The following PLPPR1 variants were observed in gnomAD, a reference collection of about 807,000 sequenced individuals.
PLPPR1 encodes phospholipid phosphatase related 1, also known as phospholipid phosphatase-related protein type 1.
PLPPR1 carries 10 observed loss-of-function variants against 33.1 expected under a neutral mutation model. The ratio of observed to expected loss-of-function variants is 0.30; its 90% CI spans 0.19 to 0.51. PLPPR1 has a LOEUF of 0.51. PLPPR1 is among the 20% of genes least tolerant of loss of function. PLPPR1 has a pLI of 0.97. For missense variants in PLPPR1, 304 were observed against 408.1 expected (o/e 0.74, Z 2.20); for synonymous variants, 151 against 151.0 (o/e 1.00, Z 0.00).
intron 2 of PLPPR1, among the ~76,000 whole-genome samples, chr9:101,246,087 TATATATATATATATATATATATAG>T (rs1437768958): frequency 3.8e-5 from 4 of 104,432 alleles, no homozygotes; most frequent in East Asian, 2.6e-4. Flanking sequence ...TATATATATA[TATATATATATATATATATATATAG>T]ATAGATAGAT....
intron 1 of PLPPR1, among the ~76,000 whole-genome samples, chr9:101,073,268 A>G (rs1360916447): frequency 6.6e-6 from 1 of 152,170 alleles, no homozygotes; most frequent in African/African-American, 2.4e-5. Flanking sequence ...TTTTGCAGCC[A>G]ATCTATTGCA....
chr9:101,119,034 C>G (rs1168019927), intron 1 of PLPPR1, among the ~76,000 whole-genome samples: 1 of 152,146 alleles, frequency 6.6e-6, no homozygotes, highest in African/African-American at 2.4e-5. Context: ...TAAGTTGCTT[C>G]TCTCCAATAC....
At chr9:101,307,353 C>G (rs1370318788) in intron 4 of PLPPR1, among the ~76,000 whole-genome samples, 1 of 152,210 alleles carries the variant, frequency 6.6e-6, no homozygotes, top group Non-Finnish European at 1.5e-5. Context: ...TTTCCTTTTT[C>G]AGATCGTAAA....
At chr9:101,144,161 T>G (rs969793562) in intron 1 of PLPPR1, among the ~76,000 whole-genome samples, 2 of 151,774 alleles carry the variant, frequency 1.3e-5, no homozygotes, top group African/African-American at 2.4e-5. Flanking sequence ...CAAACTATCA[T>G]AAGGACAGAA....
intron 2 of PLPPR1, among the ~76,000 whole-genome samples, chr9:101,203,262 T>C (rs118156416): frequency 0.01 from 1,594 of 152,276 alleles, 10 homozygotes; most frequent in Middle Eastern, 0.02. Flanking sequence ...AAGTATTAGA[T>C]TGGTGCAAAA....
At chr9:101,096,625 G>A (rs190314858) in intron 1 of PLPPR1, among the ~76,000 whole-genome samples, 3 of 152,086 alleles carry the variant, frequency 2.0e-5, no homozygotes, top group Admixed American at 6.6e-5. Context: ...TAACAACACA[G>A]TGAACATTTG....
chr9:101,052,644 C>T (rs1272386528), intron 1 of PLPPR1, among the ~76,000 whole-genome samples: 3 of 152,116 alleles, frequency 2.0e-5, no homozygotes, highest in Non-Finnish European at 2.9e-5. Flanking sequence ...AGAAGATTTC[C>T]CAGCAGTAAT....
chr9:101,043,618 T>A lies in PLPPR1; in HGVS notation c.-46+14516T>A, dbSNP rs542971123. 4.5e-4 allele frequency among the ~76,000 whole-genome samples: 68 copies of A among 152,242 alleles called. No homozygotes were observed. The Middle Eastern group carries it at 0.014, about 30-fold the overall frequency. On this transcript the variant is annotated intron_variant, in intron 1 of 7. Coordinates refer to ENST00000374874, the MANE Select transcript of PLPPR1 (RefSeq NM_207299.2). ...TGCTATAAACATGTTTGTGCAAGTA[T>A]CTTTTTTGTATAATGACTTATTTTC... is the stretch of plus-strand genomic sequence containing the variant.
intron 2 of PLPPR1, among the ~76,000 whole-genome samples, chr9:101,236,909 T>C (rs185448134): frequency 5.7e-4 from 86 of 151,722 alleles, no homozygotes; most frequent in African/African-American, 1.9e-3. Flanking sequence ...ACCTATAGAA[T>C]GGGAAGAAAA....
intron 1 of PLPPR1, among the ~76,000 whole-genome samples, chr9:101,121,861 T>C (rs1831181633): frequency 6.6e-6 from 1 of 152,210 alleles, no homozygotes; most frequent in African/African-American, 2.4e-5. Context: ...TACTCTTCTT[T>C]AGATATAGGA....
intron 2 of PLPPR1, among the ~76,000 whole-genome samples, chr9:101,206,915 A>T (rs1182781787): frequency 1.3e-5 from 2 of 152,042 alleles, no homozygotes; most frequent in African/African-American, 4.8e-5. Context: ...CTCCATTGCC[A>T]AGCCAGGACT....
chr9:101,302,772 T>G (rs1828777499), intron 4 of PLPPR1, among the ~76,000 whole-genome samples: 1 of 152,162 alleles, frequency 6.6e-6, no homozygotes, highest in South Asian at 2.1e-4. Flanking sequence ...GGCCAGAAGC[T>G]AATGGGAGGG....
chr9:101,243,214 C>A (rs1037253590), intron 2 of PLPPR1, among the ~76,000 whole-genome samples: 1 of 151,852 alleles, frequency 6.6e-6, no homozygotes, highest in African/African-American at 2.4e-5. Context: ...GGACCCAGGT[C>A]GTCAGAATCT....
At chr9:101,162,691 G>A (rs751938111) in intron 1 of PLPPR1, among the ~76,000 whole-genome samples, 2 of 152,028 alleles carry the variant, frequency 1.3e-5, no homozygotes, top group Non-Finnish European at 2.9e-5. Flanking sequence ...TTGTTTTCTG[G>A]GTCTTGTAAA....
rs1165672393 is a variant in PLPPR1, at chr9:101,170,218, A to G, written c.-45-15232A>G. Among the ~76,000 whole-genome samples the G allele has an allele frequency of 2.6e-5, 4 of 152,154 alleles. No individual in the cohort carries two copies. In the East Asian group the frequency reaches 5.8e-4, roughly 22 times the overall value. ...TCCAGAAAAATAAAGATATGAAACA[A>G]TTACACAATACATACTATATTAATC... On this transcript the variant is annotated intron_variant, in intron 1 of 7. Coordinates refer to ENST00000374874, the MANE Select transcript of PLPPR1 (RefSeq NM_207299.2).
chr9:101,068,454 A>G (rs7032962), intron 1 of PLPPR1, among the ~76,000 whole-genome samples: 2,314 of 152,112 alleles, frequency 0.015, 39 homozygotes, highest in African/African-American at 0.035. Context: ...ACCTGGATTT[A>G]TGAATACATT....
intron 1 of PLPPR1, among the ~76,000 whole-genome samples, chr9:101,151,690 G>A (rs1003722597): frequency 1.3e-5 from 2 of 152,122 alleles, no homozygotes; most frequent in Non-Finnish European, 2.9e-5. Context: ...CACTTGCGCT[G>A]CCACTTCTCT....
intron 2 of PLPPR1, among the ~76,000 whole-genome samples, chr9:101,227,128 T>C (rs1292034266): frequency 6.6e-6 from 1 of 152,062 alleles, no homozygotes; most frequent in African/African-American, 2.4e-5. Flanking sequence ...AGCTAACCAG[T>C]ATAGATCAGC....
chr9:101,281,858 CA>C (rs1278113251), intron 3 of PLPPR1, among the ~76,000 whole-genome samples: 3 of 152,074 alleles, frequency 2.0e-5, no homozygotes, highest in Admixed American at 6.6e-5. Flanking sequence ...TCTGGAAACA[CA>C]CACCCTACCC....
Sources: allele counts gnomAD v4.1 joint callset (sites outside exome capture counted in the v4.1 genomes callset), GRCh38; gene constraint gnomAD v4.1.1; transcripts MANE v1.5; gene names NCBI Gene and HGNC (gene_info 2026-07-23, HGNC 2026-07-21).